The following CLNK variants were observed in gnomAD, a reference collection of about 807,000 sequenced individuals.
CLNK encodes the protein cytokine dependent hematopoietic cell linker, also known as cytokine-dependent hematopoietic cell linker.
A neutral mutation model predicts 68.6 loss-of-function variants in CLNK; 74 were observed. That is an observed-to-expected ratio of 1.08 (90% CI 0.89 to 1.31). The LOEUF (loss-of-function observed/expected upper bound fraction) is 1.31. CLNK is among the 50% of genes most tolerant of loss of function. The pLI is 0.00. For synonymous variants in CLNK, 198 were observed against 172.2 expected (o/e 1.15, Z -1.17); for missense variants, 553 against 515.3 (o/e 1.07, Z -0.71).
At chr4:10,576,018 C>A (rs779425476) in intron 4 of CLNK, among the ~76,000 whole-genome samples, 2 of 152,174 alleles carry the variant, frequency 1.3e-5, no homozygotes, top group Non-Finnish European at 2.9e-5. Flanking sequence ...AGACGTCAGG[C>A]TCCTGATGGC....
intron 14 of CLNK, among the ~76,000 whole-genome samples, chr4:10,525,383 C>T (rs1202338679): frequency 6.6e-6 from 1 of 152,182 alleles, no homozygotes; most frequent in African/African-American, 2.4e-5. Flanking sequence ...GCTTCTTTAA[C>T]TCTTCAGTTG....
intron 11 of CLNK, among the ~76,000 whole-genome samples, chr4:10,535,211 AAG>A (rs370404309): frequency 4.8e-5 from 3 of 62,634 alleles, no homozygotes; most frequent in African/African-American, 9.9e-5. Flanking sequence ...GAAAGAAAGA[AAG>A]AGAAAGAAAG....
chr4:10,622,881 C>A (rs1722514841), intron 2 of CLNK, among the ~76,000 whole-genome samples: 1 of 152,122 alleles, frequency 6.6e-6, no homozygotes, highest in South Asian at 2.1e-4. Context: ...TTACAAACAG[C>A]CACTTCCTTA....
At chr4:10,687,496 G>A (rs975159880), upstream of CLNK, among the ~76,000 whole-genome samples, 4 of 151,942 alleles carry the variant, frequency 2.6e-5, no homozygotes, top group African/African-American at 9.7e-5. Context: ...AACAAAAGAA[G>A]GCTTCTAAGA....
intron 2 of CLNK, among the ~76,000 whole-genome samples, chr4:10,652,242 C>T (rs1257566313): frequency 6.6e-6 from 1 of 151,648 alleles, no homozygotes; most frequent in Non-Finnish European, 1.5e-5. Flanking sequence ...ATTAGCCTGG[C>T]ATGGTGGCGA....
intron 12 of CLNK, among the ~76,000 whole-genome samples, chr4:10,529,515 G>A (rs906955225): frequency 8.5e-5 from 13 of 152,232 alleles, no homozygotes; most frequent in African/African-American, 1.9e-4. Flanking sequence ...CTAGCCAACA[G>A]AGAAGGCTTT....
At chr4:10,563,840 G>T (rs1353173097) in intron 7 of CLNK, among the ~76,000 whole-genome samples, 1 of 152,182 alleles carries the variant, frequency 6.6e-6, no homozygotes, top group Non-Finnish European at 1.5e-5. Context: ...CCGGGAGGTG[G>T]AGGTTGCAGT....
rs1716379762 is a variant in CLNK, at chr4:10,487,042, TA to T, written c.*3424del. On this transcript the variant is annotated 3_prime_UTR_variant, in exon 19 of 19. Coordinates refer to ENST00000226951, the MANE Select transcript of CLNK (RefSeq NM_052964.4). ...ATGCACATTTATACAGAATGAGAAT[TA>T]TTTAGTCCAAAAAATATCTGGAAAG... The T allele has an allele frequency of 1.3e-5, 2 of 152,238 alleles. No individual in the cohort carries two copies. Among genetic ancestry groups the T allele is most frequent in the Admixed American group, 1.3e-4 (2 of 15,286 alleles). 9.4% of individuals were successfully genotyped at this position (152,238 alleles called of 1,614,324 possible).
intron 2 of CLNK, among the ~76,000 whole-genome samples, chr4:10,635,159 A>G (rs2086582091): frequency 6.6e-6 from 1 of 152,208 alleles, no homozygotes; most frequent in African/African-American, 2.4e-5. Context: ...TAGTGAGAGA[A>G]TTTGGATACT....
chr4:10,558,912 G>A (rs547120113), intron 7 of CLNK, among the ~76,000 whole-genome samples: 9 of 152,238 alleles, frequency 5.9e-5, no homozygotes, highest in African/African-American at 2.2e-4. Flanking sequence ...CTGACTGTGA[G>A]AACATGACAA....
chr4:10,579,983 G>C (rs994376891), intron 4 of CLNK, among the ~76,000 whole-genome samples: 1 of 152,104 alleles, frequency 6.6e-6, no homozygotes, highest in African/African-American at 2.4e-5. Context: ...TGCCACACAG[G>C]GGTTTTGTCT....
At chr4:10,611,359 A>G (rs973679585) in intron 2 of CLNK, among the ~76,000 whole-genome samples, 11 of 151,620 alleles carry the variant, frequency 7.3e-5, no homozygotes, top group Admixed American at 7.2e-4. Context: ...TTAGCTGGGC[A>G]TGGTGGCGGG....
chr4:10,507,309 A>G (rs1052563012), intron 17 of CLNK, among the ~76,000 whole-genome samples: 1 of 150,960 alleles, frequency 6.6e-6, no homozygotes, highest in Non-Finnish European at 1.5e-5. Flanking sequence ...ATGAGGTTTC[A>G]CCATGTTGGC....
At chr4:10,567,323 C>T (rs1275697563) in intron 5 of CLNK, among the ~76,000 whole-genome samples, 1 of 152,066 alleles carries the variant, frequency 6.6e-6, no homozygotes, top group Admixed American at 6.6e-5. Flanking sequence ...TGTACTAAGA[C>T]AATACAATGG....
chr4:10,534,529 T>A (rs552483221), intron 11 of CLNK, among the ~76,000 whole-genome samples: 1 of 152,336 alleles, frequency 6.6e-6, no homozygotes, highest in East Asian at 1.9e-4. Flanking sequence ...TCACCCTGGA[T>A]AAGTTAAATT....
chr4:10,581,100 C>A (rs1720764581), intron 4 of CLNK, among the ~76,000 whole-genome samples: 1 of 152,092 alleles, frequency 6.6e-6, no homozygotes, highest in Non-Finnish European at 1.5e-5. Flanking sequence ...GTTACAACTG[C>A]CTACAATATT....
intron 14 of CLNK, among the ~76,000 whole-genome samples, chr4:10,522,617 T>G (rs1718127950): frequency 6.6e-6 from 1 of 150,788 alleles, no homozygotes; most frequent in African/African-American, 2.4e-5. Context: ...AAATGATGAC[T>G]CTTTTGTTTA....
chr4:10,702,921 G>C, the CLNK span, among the ~76,000 whole-genome samples: 2 of 152,102 alleles, frequency 1.3e-5, no homozygotes, highest in African/African-American at 4.8e-5. Context: ...GAAATCTGAG[G>C]AGCCAGCACC....
At chr4:10,710,512 T>C in the CLNK span, among the ~76,000 whole-genome samples, 4 of 152,228 alleles carry the variant, frequency 2.6e-5, no homozygotes, top group Non-Finnish European at 4.4e-5. Flanking sequence ...GAAGTGATTA[T>C]GTGCCAGACA....
Sources: allele counts gnomAD v4.1 joint callset (sites outside exome capture counted in the v4.1 genomes callset), GRCh38; gene constraint gnomAD v4.1.1; transcripts MANE v1.5; gene names NCBI Gene and HGNC (gene_info 2026-07-23, HGNC 2026-07-21).